Variants in SHISA6 observed in about 807,000 individuals in gnomAD.
SHISA6 encodes the protein shisa family member 6.
Under a neutral mutation model 47.9 loss-of-function variants are expected in SHISA6, and 22 were observed. The ratio of observed to expected loss-of-function variants is 0.46; its 90% confidence interval spans 0.33 to 0.66. The LOEUF is 0.66. Ranked by LOEUF, SHISA6 falls within the 30% of genes least tolerant of loss-of-function variation. The probability of loss-of-function intolerance (pLI) is 0.02; values close to 1 mark genes in which losing one functional copy is unlikely to be tolerated. For synonymous variants in SHISA6, 388 were observed against 337.8 expected (o/e 1.15, Z -1.63); for missense variants, 680 against 764.6 (o/e 0.89, Z 1.30).
intron 3 of SHISA6, among the ~76,000 whole-genome samples, chr17:11,535,061 G>C (rs2071774465): frequency 6.6e-6 from 1 of 152,148 alleles, no homozygotes; most frequent in Non-Finnish European, 1.5e-5. Context: ...CCAGGAGGCA[G>C]AGGTTGCGGT....
intron 2 of SHISA6, among the ~76,000 whole-genome samples, chr17:11,293,401 A>G (rs1909624305): frequency 6.6e-6 from 1 of 152,208 alleles, no homozygotes; most frequent in Non-Finnish European, 1.5e-5. Flanking sequence ...GCAAGTTAGG[A>G]TAATTTCCAG....
At chr17:11,462,753 G>A (rs1278021544) in intron 3 of SHISA6, among the ~76,000 whole-genome samples, 1 of 151,670 alleles carries the variant, frequency 6.6e-6, no homozygotes, top group Non-Finnish European at 1.5e-5. Context: ...TCAGCCTCCT[G>A]AGTAGCTGGG....
chr17:11,342,346 G>A (rs1356229061), intron 2 of SHISA6, among the ~76,000 whole-genome samples: 2 of 151,912 alleles, frequency 1.3e-5, no homozygotes, highest in African/African-American at 4.8e-5. Flanking sequence ...GGAGGTGGCA[G>A]GCAGAGGGAG....
At chr17:11,439,184 CA>C (rs1915030746) in intron 3 of SHISA6, among the ~76,000 whole-genome samples, 2 of 152,104 alleles carry the variant, frequency 1.3e-5, no homozygotes, top group African/African-American at 4.8e-5. Flanking sequence ...GAAAATCCTT[CA>C]AAGAAGAAAG....
chr17:11,251,900 G>C (rs181490024), intron 1 of SHISA6, among the ~76,000 whole-genome samples: 1 of 152,154 alleles, frequency 6.6e-6, no homozygotes. Flanking sequence ...CTCAAGGTCC[G>C]GTTGTCACAG....
At chr17:11,429,103 C>A (rs1178127182) in intron 3 of SHISA6, among the ~76,000 whole-genome samples, 4 of 152,042 alleles carry the variant, frequency 2.6e-5, no homozygotes, top group Admixed American at 2.0e-4. Flanking sequence ...GATCCACTTT[C>A]AAATCCACTC....
chr17:11,328,719 C>T (rs1053127286), intron 2 of SHISA6, among the ~76,000 whole-genome samples: 2 of 151,510 alleles, frequency 1.3e-5, no homozygotes, highest in African/African-American at 4.9e-5. Context: ...AGACAACACA[C>T]AAATGAAAAA....
chr17:11,351,332 G>A (rs943869868), intron 2 of SHISA6, among the ~76,000 whole-genome samples: 5 of 152,062 alleles, frequency 3.3e-5, no homozygotes, highest in Admixed American at 6.5e-5. Flanking sequence ...ATACTATCCC[G>A]TCTTTATCTC....
rs75760399 is a variant in SHISA6 at position 11,303,907 on chromosome 17, C to T, written c.799+40381C>T. ...TTCTAGGGTGGGCCTGAGGTGGGTACAGCAGTGGAAGGGCAGGTGCCCGAG... is the reference window on the plus strand; with the variant it reads ...TTCTAGGGTGGGCCTGAGGTGGGTATAGCAGTGGAAGGGCAGGTGCCCGAG... On this transcript the variant is annotated intron_variant, in intron 2 of 5. Coordinates refer to ENST00000441885, the MANE Select transcript of SHISA6 (RefSeq NM_207386.4). Among the ~76,000 whole-genome samples the T allele has an allele frequency of 6.1e-3, 923 of 152,244 alleles. 22 individuals carry two copies. In the East Asian group the frequency reaches 0.07, roughly 12 times the overall value.
At chr17:11,380,968 G>T (rs1912986486) in intron 3 of SHISA6, among the ~76,000 whole-genome samples, 1 of 152,190 alleles carries the variant, frequency 6.6e-6, no homozygotes. Flanking sequence ...AAAGACAGAA[G>T]ACACAGCGTC....
At chr17:11,546,219 C>G (rs1407854896) in intron 3 of SHISA6, among the ~76,000 whole-genome samples, 1 of 152,198 alleles carries the variant, frequency 6.6e-6, no homozygotes, top group Non-Finnish European at 1.5e-5. Flanking sequence ...AAAACTCTCT[C>G]TTATAATGAT....
At chr17:11,291,479 CA>C (rs1186828926) in intron 2 of SHISA6, among the ~76,000 whole-genome samples, 1 of 151,900 alleles carries the variant, frequency 6.6e-6, no homozygotes, top group African/African-American at 2.4e-5. Flanking sequence ...ACTGAAAATA[CA>C]AAAATTAGCC....
At chr17:11,374,301 T>C (rs1320640468) in intron 2 of SHISA6, among the ~76,000 whole-genome samples, 1 of 152,198 alleles carries the variant, frequency 6.6e-6, no homozygotes, top group Non-Finnish European at 1.5e-5. Flanking sequence ...AATATACATT[T>C]TTAGTCTTTG....
chr17:11,555,784 T>C lies in SHISA6; in HGVS notation c.997T>C (p.Tyr333His). 3 of 1,551,650 alleles carry C rather than the reference T, an allele frequency of 1.9e-6. No homozygotes were observed. The highest frequency in any genetic ancestry group is 2.6e-6 in the Non-Finnish European group (3 of 1,146,850). Residue 333 changes from tyrosine to histidine, a missense_variant, in exon 5 of 6, where the codon TAT becomes CAT. By Grantham distance (83) the Tyr-to-His change is moderately conservative. Coordinates refer to ENST00000441885, the MANE Select transcript of SHISA6 (RefSeq NM_207386.4). ...CATCCTGACATCAGCCACCGAGCCCTATGACCTCTCCTTCTCCCGCTCGTT... is the reference window on the plus strand; with the variant it reads ...CATCCTGACATCAGCCACCGAGCCCCATGACCTCTCCTTCTCCCGCTCGTT... ...NNILTSATEPYDLSFSRSFQN... is the reference protein window; with the variant it reads ...NNILTSATEPHDLSFSRSFQN...
intron 3 of SHISA6, among the ~76,000 whole-genome samples, chr17:11,506,214 C>T (rs1326418915): frequency 1.3e-5 from 2 of 152,150 alleles, no homozygotes; most frequent in Non-Finnish European, 2.9e-5. Flanking sequence ...AACATATCTG[C>T]ACCTTTCTTC....
At chr17:11,301,644 A>T (rs572955642) in intron 2 of SHISA6, among the ~76,000 whole-genome samples, 2 of 152,254 alleles carry the variant, frequency 1.3e-5, no homozygotes, top group South Asian at 4.2e-4. Flanking sequence ...CAGCTTCCAG[A>T]AAACTTCCCA....
intron 1 of SHISA6, among the ~76,000 whole-genome samples, chr17:11,243,030 G>A (rs1409552645): frequency 6.6e-6 from 1 of 151,852 alleles, no homozygotes; most frequent in Non-Finnish European, 1.5e-5. Context: ...GTCCTCTCAG[G>A]GAACAAACCC....
Position 11,241,621 on chromosome 17 carries a change from A to G in SHISA6, c.199A>G (p.Ile67Val). ...ELNGTARAPGIPEAGSRRGQP... is the reference protein window; with the variant it reads ...ELNGTARAPGVPEAGSRRGQP... ...GAACGGCACCGCCCGGGCGCCCGGA[A>G]TCCCGGAGGCGGGAAGCCGGCGGGG... Residue 67 changes from isoleucine (I) to valine (V), a missense_variant, in exon 1 of 6, where the codon ATC becomes GTC. Ile to Val is a conservative substitution (Grantham distance 29). Transcript: ENST00000441885. The surrounding 1 kb of genome is among the most constrained non-coding windows in gnomAD (Gnocchi z 5.5). 1 of 1,328,130 alleles carries G rather than the reference A, an allele frequency of 7.5e-7. No individual in the cohort carries two copies. The highest frequency in any genetic ancestry group is 9.5e-7 in the Non-Finnish European group (1 of 1,049,666). 82.3% of individuals were successfully genotyped at this position (1,328,130 alleles called of 1,614,324 possible).
chr17:11,555,665 A>AG (rs201924333), intron 4 of SHISA6, 75 bp from the exon 5 acceptor site: 23,235 of 1,430,304 alleles, frequency 0.016, 252 homozygotes, highest in Non-Finnish European at 0.019. Flanking sequence ...GATTCGAATC[A>AG]GGGGTGAGGC....
Sources: allele counts gnomAD v4.1 joint callset (sites outside exome capture counted in the v4.1 genomes callset), GRCh38; gene constraint gnomAD v4.1.1; non-coding constraint Gnocchi (gnomAD v3.1); transcripts MANE v1.5; gene names NCBI Gene and HGNC (gene_info 2026-07-23, HGNC 2026-07-21).